Variants in ANKRD36B observed in about 807,000 individuals in gnomAD.
ANKRD36B encodes the protein ankyrin repeat domain 36B.
In ANKRD36B, 37 loss-of-function variants were observed where a neutral mutation model predicts 135.7. The observed-to-expected ratio is 0.27, with a 90% CI of 0.21 to 0.36. ANKRD36B has a LOEUF of 0.36. Ranked by LOEUF, ANKRD36B falls within the 10% of genes least tolerant of loss-of-function variation. The pLI is 1.00. For missense variants in ANKRD36B, 549 were observed against 1,037.1 expected, an observed-to-expected ratio of 0.53 and a Z score of 6.46; for synonymous variants, 179 against 348.1, an observed-to-expected ratio of 0.51 and a Z score of 5.41.
intron 5 of ANKRD36B, 119 bp downstream of exon 5, chr2:97,578,787 G>C: frequency 7.8e-7 from 1 of 1,283,944 alleles, no homozygotes; most frequent in Non-Finnish European, 1.0e-6. Context: ...TTGAAAATTT[G>C]TCACTTGAAA....
chr2:97,577,748 A>G (rs2082321734), intron 5 of ANKRD36B, among the ~76,000 whole-genome samples: 1 of 147,588 alleles, frequency 6.8e-6, no homozygotes, highest in South Asian at 2.1e-4. Flanking sequence ...GAATCCGAAA[A>G]TATTTTATAA....
In ANKRD36B at chr2:97,558,998, A is replaced by G. The variant is rs760007775; in HGVS notation, c.866-4T>C. The G allele has an allele frequency of 6.2e-7, 1 of 1,603,536 alleles. No homozygotes were observed. The highest frequency in any genetic ancestry group is 8.5e-7 in the Non-Finnish European group (1 of 1,178,498). ...GCTGGTTGTTTCTGAGAAGACACTG[A>G]AAAGCAAAAGGGAAACATAATCACT... On this transcript the variant is annotated splice_polypyrimidine_tract_variant and splice_region_variant and intron_variant, in intron 8 of 43. Transcript: ENST00000359901.
intron 6 of ANKRD36B, among the ~76,000 whole-genome samples, chr2:97,565,404 G>A (rs1374925701): frequency 6.6e-6 from 1 of 152,064 alleles, no homozygotes; most frequent in Admixed American, 6.6e-5. Flanking sequence ...TATGATCAGA[G>A]TGAACAGGCA....
chr2:97,509,068 G>A (rs1480229874), intron 40 of ANKRD36B, among the ~76,000 whole-genome samples: 1 of 70,266 alleles, frequency 1.4e-5, no homozygotes, highest in Non-Finnish European at 3.4e-5. Flanking sequence ...CAGTAAAATG[G>A]CCTTTCTGAA....
chr2:97,556,487 T>G (rs1406127875), intron 12 of ANKRD36B, among the ~76,000 whole-genome samples: 1 of 151,902 alleles, frequency 6.6e-6, no homozygotes, highest in Non-Finnish European at 1.5e-5. Context: ...TCTTTCTTGA[T>G]GAAAATAGTT....
In ANKRD36B at chr2:97,580,446, G is replaced by C; in HGVS notation, c.557+16C>G. 6.5e-7 allele frequency: 1 copy of C among 1,530,690 alleles called. No individual in the cohort carries two copies. The highest frequency in any genetic ancestry group is 8.8e-7 in the Non-Finnish European group (1 of 1,135,840). 94.8% of individuals were successfully genotyped at this position (1,530,690 alleles called of 1,614,324 possible). On this transcript the variant is annotated intron_variant, in intron 4 of 43. Coordinates refer to ENST00000359901, the MANE Select transcript of ANKRD36B (RefSeq NM_001393939.1). The stretch of plus-strand genomic sequence containing the variant: ...CTCAGGTTTAAAAACAACACAATAA[G>C]AACTAAGGTCTGTACCTGCCAAGAT...
At position 97,544,392 on chromosome 2, in the gene ANKRD36B, G is replaced by C. The variant is rs1264331636; in HGVS notation, c.1682-407C>G. On this transcript the variant is annotated intron_variant, in intron 24 of 43. Transcript: ENST00000359901. Reference sequence around the variant, plus strand: ...AATCACAAGGATTTACACCATTATAGTACAAACATTCATCATGCTCTTTAA... The same window carrying C: ...AATCACAAGGATTTACACCATTATACTACAAACATTCATCATGCTCTTTAA... Among the ~76,000 whole-genome samples, 17 of 94,990 alleles carry C rather than the reference G, an allele frequency of 1.8e-4. 5 individuals carry two copies. The highest frequency in any genetic ancestry group is 5.0e-4 in the African/African-American group (16 of 31,972). 62.3% of individuals were successfully genotyped at this position (94,990 alleles called of 152,430 possible). A position where few individuals can be genotyped will look rare whatever the true frequency, so the allele number is the denominator to read the frequency against.
At chr2:97,587,178 TAAAC>T (rs922690345) in intron 1 of ANKRD36B, among the ~76,000 whole-genome samples, 3 of 152,074 alleles carry the variant, frequency 2.0e-5, no homozygotes, top group African/African-American at 4.8e-5. Context: ...ATCTCAAAAA[TAAAC>T]AAACAAACGA....
Position 97,539,173 on chromosome 2 carries a change from T to A in ANKRD36B, c.1988-810A>T, listed in dbSNP as rs1326326177. ...CAATATTCATTGAAAATAACAATTT[T>A]AAAAGTCAATTAATGAATTCAAATT... On this transcript the variant is annotated intron_variant, in intron 30 of 43. Coordinates refer to ENST00000359901, the MANE Select transcript of ANKRD36B (RefSeq NM_001393939.1). Among the ~76,000 whole-genome samples, 4 of 97,878 alleles carry A rather than the reference T, an allele frequency of 4.1e-5. 1 individual carries two copies. The highest frequency in any genetic ancestry group is 1.2e-4 in the African/African-American group (4 of 32,790). The allele number at this position is 97,878 out of a possible 152,430, so 64.2% of individuals were successfully genotyped here. A position where few individuals can be genotyped will look rare whatever the true frequency, so the allele number is the denominator to read the frequency against.
chr2:97,565,887 G>GTATA (rs1427695721), intron 6 of ANKRD36B, among the ~76,000 whole-genome samples: 11 of 149,830 alleles, frequency 7.3e-5, no homozygotes, highest in Non-Finnish European at 1.2e-4. Context: ...GTGTGTGTGT[G>GTATA]TGTATATATA....
At chr2:97,555,369 T>C in intron 12 of ANKRD36B, 115 bp from the exon 13 acceptor site, 2 of 1,455,476 alleles carry the variant, frequency 1.4e-6, no homozygotes, top group Non-Finnish European at 1.9e-6. Flanking sequence ...GTATAGGCTT[T>C]GATTTTTGTG....
chr2:97,535,049 AG>A (rs2104484070), intron 34 of ANKRD36B, among the ~76,000 whole-genome samples: 1 of 96,184 alleles, frequency 1.0e-5, no homozygotes, highest in East Asian at 2.3e-4. Context: ...CATTATGTCA[AG>A]TAAAATAATC....
At chr2:97,537,744 C>T (rs2078962892) in intron 32 of ANKRD36B, among the ~76,000 whole-genome samples, 1 of 96,488 alleles carries the variant, frequency 1.0e-5, no homozygotes, top group Admixed American at 9.3e-5. Flanking sequence ...CACCTTGCTC[C>T]TCATTCTCCA....
At position 97,555,108 on chromosome 2, in the gene ANKRD36B, C is replaced by G; in HGVS notation, c.1123G>C (p.Ala375Pro). The stretch of plus-strand genomic sequence containing the variant: ...TTTATTTCTGTAGCTGTATTCAAAG[C>G]AGAATCTGTCTTGTCACTTGCAGTC... ...SKTASDKTDS[A>P]LNTATEIKDG... is the part of the protein sequence containing the mutation. The change falls in exon 14 of 44, where the codon GCT (alanine) becomes CCT (proline). Residue 375 changes from alanine (A) to proline (P), a missense_variant. Coordinates refer to ENST00000359901, the MANE Select transcript of ANKRD36B (RefSeq NM_001393939.1). 6.2e-7 allele frequency: 1 copy of G among 1,611,936 alleles called. No individual in the cohort carries two copies. The highest frequency in any genetic ancestry group is 8.5e-7 in the Non-Finnish European group (1 of 1,178,696).
chr2:97,546,054 T>C (rs1001805604), intron 22 of ANKRD36B, among the ~76,000 whole-genome samples, 193 bp from the exon 23 acceptor site: 8 of 151,628 alleles, frequency 5.3e-5, no homozygotes, highest in African/African-American at 1.7e-4. Context: ...CTCCATGAAA[T>C]ATATCCTTAC....
intron 14 of ANKRD36B, among the ~76,000 whole-genome samples, chr2:97,554,648 C>T (rs983583886): frequency 6.6e-5 from 10 of 151,916 alleles, no homozygotes; most frequent in African/African-American, 2.4e-4. Flanking sequence ...CGTTAGTTCT[C>T]GTTCTACAAT....
At position 97,555,248 on chromosome 2, in the gene ANKRD36B, G is replaced by A. The variant is rs1159551750; in HGVS notation, c.1076C>T (p.Ser359Phe). ...TACCTTTGAGGCTGGTTGTTTCTGA[G>A]AAGACACTGAAAAGCAAAAGGGATA... is the stretch of plus-strand genomic sequence containing the variant. ...MGGGKSGTVS[S>F]QKQPASKTAS... The change falls in exon 13 of 44, where the codon TCT (serine) becomes TTT (phenylalanine). Residue 359 changes from serine to phenylalanine, a missense_variant. Transcript: ENST00000359901. 5 of 1,611,004 alleles carry A rather than the reference G, an allele frequency of 3.1e-6. No individual in the cohort carries two copies. Among genetic ancestry groups the A allele is most frequent in the Non-Finnish European group, 4.2e-6 (5 of 1,178,220 alleles).
At chr2:97,563,441 C>T (rs113040527) in intron 6 of ANKRD36B, among the ~76,000 whole-genome samples, 1 of 151,902 alleles carries the variant, frequency 6.6e-6, no homozygotes, top group African/African-American at 2.4e-5. Flanking sequence ...TACACACACA[C>T]ACACACACAC....
At chr2:97,568,087 A>G (rs920262087) in intron 6 of ANKRD36B, among the ~76,000 whole-genome samples, 29 of 152,140 alleles carry the variant, frequency 1.9e-4, no homozygotes, top group Admixed American at 5.2e-4. Context: ...CTACTTTACC[A>G]TTAGATATTA....
Sources: allele counts gnomAD v4.1 joint callset (sites outside exome capture counted in the v4.1 genomes callset), GRCh38; gene constraint gnomAD v4.1.1; transcripts MANE v1.5; gene names NCBI Gene and HGNC (gene_info 2026-07-23, HGNC 2026-07-21).